The following RALGPS2 variants were observed in gnomAD, a reference collection of about 807,000 sequenced individuals.
RALGPS2 encodes the protein Ral GEF with PH domain and SH3 binding motif 2.
In RALGPS2, 43 loss-of-function variants were observed where a neutral mutation model predicts 86.8. The observed-to-expected ratio is 0.50, with a 90% confidence interval of 0.39 to 0.64. RALGPS2 has a LOEUF of 0.64. RALGPS2 is among the 30% of genes least tolerant of loss of function. The pLI is 0.00. For missense variants in RALGPS2, 536 were observed against 694.6 expected (o/e 0.77, Z 2.57); for synonymous variants, 243 against 231.3 (o/e 1.05, Z -0.46).
chr1:178,768,744 A>G (rs1254246151), intron 1 of RALGPS2, among the ~76,000 whole-genome samples: 1 of 152,186 alleles, frequency 6.6e-6, no homozygotes, highest in Non-Finnish European at 1.5e-5. Context: ...TGGCAGGCAC[A>G]AGAACCAAGG....
intron 8 of RALGPS2, among the ~76,000 whole-genome samples, chr1:178,856,689 G>A (rs941928971): frequency 4.0e-5 from 6 of 151,584 alleles, no homozygotes; most frequent in African/African-American, 7.3e-5. Context: ...TAGTTATTTC[G>A]TTTCTCCTTT....
intron 1 of RALGPS2, among the ~76,000 whole-genome samples, chr1:178,773,432 A>G (rs79005101): frequency 0.036 from 5,513 of 152,290 alleles, 123 homozygotes; most frequent in Middle Eastern, 0.058. Flanking sequence ...ATTAAAGCAT[A>G]TATTTGGCAT....
chr1:178,837,550 G>A (rs1272786024), intron 8 of RALGPS2, among the ~76,000 whole-genome samples: 3 of 152,150 alleles, frequency 2.0e-5, no homozygotes, highest in African/African-American at 2.4e-5. Flanking sequence ...AAGGCAGCGG[G>A]GAGGGTTCCA....
At chr1:178,806,032 A>G (rs1558127768) in intron 4 of RALGPS2, among the ~76,000 whole-genome samples, 1 of 151,970 alleles carries the variant, frequency 6.6e-6, no homozygotes, top group Non-Finnish European at 1.5e-5. Flanking sequence ...AGGTCTGCTC[A>G]TAGCTTTGCC....
chr1:178,890,883 T>C (rs1659687929), intron 14 of RALGPS2, among the ~76,000 whole-genome samples: 1 of 152,066 alleles, frequency 6.6e-6, no homozygotes, highest in Non-Finnish European at 1.5e-5. Flanking sequence ...TGGGTTTGCC[T>C]GAAATGTGAA....
intron 8 of RALGPS2, among the ~76,000 whole-genome samples, chr1:178,855,924 TAC>T (rs1302978581): frequency 3.3e-5 from 5 of 149,528 alleles, no homozygotes; most frequent in African/African-American, 4.9e-5. Context: ...ATACACGAAT[TAC>T]ATTGAATATA....
intron 5 of RALGPS2, among the ~76,000 whole-genome samples, chr1:178,809,978 T>G (rs1180790882): frequency 6.6e-6 from 1 of 152,050 alleles, no homozygotes; most frequent in Non-Finnish European, 1.5e-5. Flanking sequence ...CCAGGTGCAG[T>G]GGCAAGTGCC....
chr1:178,916,134 C>T (rs896282794), intron 19 of RALGPS2, among the ~76,000 whole-genome samples, 196 bp from the exon 20 acceptor site: 1 of 152,146 alleles, frequency 6.6e-6, no homozygotes, highest in Admixed American at 6.5e-5. Context: ...AGAGTATTAA[C>T]TCATTTTGGT....
intron 8 of RALGPS2, among the ~76,000 whole-genome samples, chr1:178,876,070 A>C (rs529604299): frequency 6.6e-6 from 1 of 152,340 alleles, no homozygotes; most frequent in East Asian, 1.9e-4. Flanking sequence ...AATGAATGAT[A>C]CTAGGATGAG....
chr1:178,884,876 A>ATAC (rs1166188520), intron 11 of RALGPS2, among the ~76,000 whole-genome samples, 200 bp from the exon 12 acceptor site: 1 of 152,226 alleles, frequency 6.6e-6, no homozygotes, highest in East Asian at 1.9e-4. Flanking sequence ...TCTACTTAGT[A>ATAC]TAAGTAAGAT....
intron 1 of RALGPS2, among the ~76,000 whole-genome samples, chr1:178,741,320 C>T (rs965587185): frequency 2.0e-5 from 3 of 152,166 alleles, no homozygotes; most frequent in Admixed American, 2.0e-4. Flanking sequence ...AACCAACTTG[C>T]CCAAGGTTAT....
rs779013092 is a variant in RALGPS2 at position 178,865,796 on chromosome 1, AT to A, written c.608-11701del. On this transcript the variant is annotated intron_variant, in intron 8 of 19. Transcript: ENST00000367635. Reference sequence around the variant, plus strand: ...CTTCATTTTGAAATGAGGTTGTAAAATGATGTCTTTTGAAAAACAAATCAGT... The same window carrying A: ...CTTCATTTTGAAATGAGGTTGTAAAAGATGTCTTTTGAAAAACAAATCAGT... 7.8e-6 allele frequency: 12 copies of A among 1,534,712 alleles called. No homozygotes were observed. In the East Asian group the frequency reaches 9.0e-5, roughly 12 times the overall value.
intron 4 of RALGPS2, among the ~76,000 whole-genome samples, chr1:178,798,876 A>G (rs1018005893): frequency 1.4e-4 from 22 of 152,322 alleles, no homozygotes; most frequent in African/African-American, 4.6e-4. Context: ...TGGAGAATTT[A>G]ATGCCAGCAA....
At chr1:178,909,544 A>G (rs1234101139) in intron 19 of RALGPS2, among the ~76,000 whole-genome samples, 2 of 149,688 alleles carry the variant, frequency 1.3e-5, no homozygotes, top group Admixed American at 1.3e-4. Flanking sequence ...ATTTAACAGT[A>G]TTGATTCTTC....
At chr1:178,860,272 A>G (rs78388358) in intron 8 of RALGPS2, among the ~76,000 whole-genome samples, 6,654 of 151,554 alleles carry the variant, frequency 0.044, 252 homozygotes, top group African/African-American at 0.1. Context: ...TGTCAGGTGT[A>G]TTATTACATT....
intron 8 of RALGPS2, among the ~76,000 whole-genome samples, chr1:178,856,408 T>TGTTGTTG (rs1183561834): frequency 9.4e-6 from 1 of 106,530 alleles, no homozygotes; most frequent in African/African-American, 4.1e-5. Context: ...TTTTTTTTTT[T>TGTTGTTG]TTTTTTTTTT....
chr1:178,839,292 C>T (rs1332479817), intron 8 of RALGPS2, among the ~76,000 whole-genome samples: 1 of 152,166 alleles, frequency 6.6e-6, no homozygotes, highest in Non-Finnish European at 1.5e-5. Context: ...AAGGGAAGCC[C>T]ATCAAACTAA....
chr1:178,774,358 C>A (rs1410940463), intron 1 of RALGPS2, among the ~76,000 whole-genome samples: 3 of 151,982 alleles, frequency 2.0e-5, no homozygotes, highest in Non-Finnish European at 4.4e-5. Flanking sequence ...GTCTGTATTA[C>A]ATTTTTTTAA....
rs117970576 is a variant in RALGPS2 at position 178,897,626 on chromosome 1, G to A, written c.1432-38G>A. The A allele has an allele frequency of 1.3e-3, 1,866 of 1,492,042 alleles. 27 individuals are homozygous for A. In the East Asian group the frequency reaches 0.024, roughly 19 times the overall value. 92.4% of individuals were successfully genotyped at this position (1,492,042 alleles called of 1,614,324 possible). On this transcript the variant is annotated intron_variant, in intron 16 of 19. Coordinates refer to ENST00000367635, the MANE Select transcript of RALGPS2 (RefSeq NM_152663.5). ...ATGTAAAGAAACTAAGAAGCCAGGA[G>A]CATTGTAATAGTATATTCCTGTGTT... is the stretch of plus-strand genomic sequence containing the variant.
Sources: allele counts gnomAD v4.1 joint callset (sites outside exome capture counted in the v4.1 genomes callset), GRCh38; gene constraint gnomAD v4.1.1; transcripts MANE v1.5; gene names NCBI Gene and HGNC (gene_info 2026-07-23, HGNC 2026-07-21).